Variants in CACNA2D1 observed in about 807,000 individuals in gnomAD.
CACNA2D1 encodes the protein calcium voltage-gated channel auxiliary subunit alpha2delta 1, also known as voltage-dependent calcium channel subunit alpha-2/delta-1.
Under a neutral mutation model 171.5 loss-of-function variants are expected in CACNA2D1, and 53 were observed. That is an observed-to-expected ratio of 0.31 (90% confidence interval 0.25 to 0.39). The LOEUF is 0.39. Ranked by LOEUF, CACNA2D1 falls within the 10% of genes least tolerant of loss-of-function variation. The pLI is 1.00. For missense variants in CACNA2D1, 903 were observed against 1,299.8 expected, an observed-to-expected ratio of 0.69 and a Z score of 4.69; for synonymous variants, 442 against 443.1, an observed-to-expected ratio of 1.00 and a Z score of 0.03.
At chr7:82,160,957 T>C (rs1157384083) in intron 4 of CACNA2D1, among the ~76,000 whole-genome samples, 2 of 152,036 alleles carry the variant, frequency 1.3e-5, no homozygotes, top group Non-Finnish European at 2.9e-5. Flanking sequence ...AGTTTAACAA[T>C]AGAAAAGCTA....
chr7:82,285,391 A>G (rs1430626032), intron 3 of CACNA2D1, among the ~76,000 whole-genome samples: 13 of 152,164 alleles, frequency 8.5e-5, no homozygotes, highest in Non-Finnish European at 1.8e-4. Context: ...TACCTTTCCC[A>G]GACTGAAAAG....
At chr7:82,185,052 C>A (rs1585034935) in intron 3 of CACNA2D1, among the ~76,000 whole-genome samples, 1 of 152,152 alleles carries the variant, frequency 6.6e-6, no homozygotes, top group Non-Finnish European at 1.5e-5. Flanking sequence ...CTTGTCTCTA[C>A]CCTACCTGAT....
At chr7:81,957,851 A>G (rs1467254762) in intron 38 of CACNA2D1, among the ~76,000 whole-genome samples, 1 of 152,158 alleles carries the variant, frequency 6.6e-6, no homozygotes, top group African/African-American at 2.4e-5. Flanking sequence ...ATCATAAGAT[A>G]TAGCCTCCTA....
chr7:82,090,938 C>T (rs1811084382), intron 6 of CACNA2D1, among the ~76,000 whole-genome samples: 1 of 151,792 alleles, frequency 6.6e-6, no homozygotes, highest in Non-Finnish European at 1.5e-5. Context: ...TAAGAAAAGT[C>T]ATTTATATGT....
chr7:82,123,007 C>T (rs1283900965), intron 5 of CACNA2D1, among the ~76,000 whole-genome samples: 2 of 152,168 alleles, frequency 1.3e-5, no homozygotes, highest in Non-Finnish European at 2.9e-5. Context: ...TAAGAGATCA[C>T]ACAGTAGGAC....
At chr7:82,420,701 G>A (rs1458350362) in intron 1 of CACNA2D1, among the ~76,000 whole-genome samples, 1 of 152,070 alleles carries the variant, frequency 6.6e-6, no homozygotes, top group Non-Finnish European at 1.5e-5. Flanking sequence ...TGAAGTCCTT[G>A]CCGCATTATT....
At chr7:81,970,410 C>T (rs1408977992) in intron 27 of CACNA2D1, among the ~76,000 whole-genome samples, 2 of 151,430 alleles carry the variant, frequency 1.3e-5, no homozygotes, top group Admixed American at 6.6e-5. Flanking sequence ...TAGCTTGTAT[C>T]TACAAAGAGA....
intron 6 of CACNA2D1, among the ~76,000 whole-genome samples, chr7:82,100,569 TAC>T (rs1812555528): frequency 6.6e-6 from 1 of 152,168 alleles, no homozygotes; most frequent in African/African-American, 2.4e-5. Context: ...AACGTCAAAA[TAC>T]AGACTATCAA....
At chr7:81,977,466 A>G (rs1209380817) in intron 24 of CACNA2D1, among the ~76,000 whole-genome samples, 1 of 152,034 alleles carries the variant, frequency 6.6e-6, no homozygotes, top group African/African-American at 2.4e-5. Flanking sequence ...TTTTTGACAA[A>G]CCTGACAAAA....
At chr7:82,279,619 C>T (rs1019632936) in intron 3 of CACNA2D1, among the ~76,000 whole-genome samples, 6 of 152,132 alleles carry the variant, frequency 3.9e-5, no homozygotes, top group Non-Finnish European at 7.4e-5. Context: ...TAAACAGATT[C>T]CTTAAATAAT....
At chr7:82,039,136 A>G (rs890491435) in intron 10 of CACNA2D1, among the ~76,000 whole-genome samples, 1 of 152,308 alleles carries the variant, frequency 6.6e-6, no homozygotes, top group Middle Eastern at 3.4e-3. Flanking sequence ...AAAAAAAAGC[A>G]TATTTGCCAG....
intron 3 of CACNA2D1, among the ~76,000 whole-genome samples, chr7:82,284,730 A>G (rs1585334421): frequency 6.6e-6 from 1 of 152,238 alleles, no homozygotes; most frequent in East Asian, 1.9e-4. Context: ...TACCTGTGAG[A>G]GGCCTCACCT....
At chr7:82,335,958 G>A (rs374520692) in intron 2 of CACNA2D1, among the ~76,000 whole-genome samples, 1 of 152,128 alleles carries the variant, frequency 6.6e-6, no homozygotes, top group East Asian at 1.9e-4. Context: ...AGTGGCATAA[G>A]TTGCACCTGT....
intron 1 of CACNA2D1, among the ~76,000 whole-genome samples, chr7:82,437,807 A>C (rs2129459617): frequency 6.6e-6 from 1 of 152,218 alleles, no homozygotes; most frequent in South Asian, 2.1e-4. Context: ...TGTAAAGCCT[A>C]CAAAGAAGGG....
intron 1 of CACNA2D1, among the ~76,000 whole-genome samples, chr7:82,408,292 G>A (rs1827279148): frequency 1.3e-5 from 2 of 152,062 alleles, no homozygotes; most frequent in Non-Finnish European, 2.9e-5. Flanking sequence ...AAACTGCTGG[G>A]ATTACAGGTA....
chr7:82,094,494 G>A (rs753081567), intron 6 of CACNA2D1, among the ~76,000 whole-genome samples: 4 of 152,086 alleles, frequency 2.6e-5, no homozygotes, highest in Non-Finnish European at 5.9e-5. Context: ...TTAGTATTCA[G>A]GATGCCTACA....
intron 23 of CACNA2D1, 114 bp downstream of exon 23, chr7:81,983,200 G>C (rs1289467037): frequency 2.7e-5 from 24 of 898,390 alleles, no homozygotes; most frequent in Non-Finnish European, 3.9e-5. Context: ...TGATCATGAA[G>C]GAAAATTTAG....
intron 8 of CACNA2D1, among the ~76,000 whole-genome samples, chr7:82,066,084 T>C (rs1807563585): frequency 6.6e-6 from 1 of 152,116 alleles, no homozygotes; most frequent in Non-Finnish European, 1.5e-5. Flanking sequence ...CCAATTCTCA[T>C]TAGTTCACTG....
At chr7:82,143,379 T>A (rs1792618163) in intron 4 of CACNA2D1, among the ~76,000 whole-genome samples, 1 of 152,164 alleles carries the variant, frequency 6.6e-6, no homozygotes, top group African/African-American at 2.4e-5. Context: ...TTTTTATATA[T>A]GAAAAATATC....
Sources: gnomAD v4.1 joint callset for allele counts (sites outside exome capture counted in the v4.1 genomes callset) on GRCh38, gnomAD v4.1.1 for gene constraint, MANE v1.5 for transcripts, NCBI Gene and HGNC (gene_info 2026-07-23, HGNC 2026-07-21) for gene names.